LY96: variants seen among roughly 807,000 people sequenced by gnomAD.
LY96 encodes myeloid differentiation protein-2.
LY96 carries 18 observed loss-of-function variants against 18.9 expected under a neutral mutation model. That is an observed-to-expected ratio of 0.95 (90% confidence interval 0.66 to 1.41). The LOEUF (loss-of-function observed/expected upper bound fraction) is 1.41. LY96 is among the 40% of genes most tolerant of loss of function. LY96 has a pLI of 0.00. For missense variants in LY96, 175 were observed against 182.4 expected, an observed-to-expected ratio of 0.96 and a Z score of 0.23; for synonymous variants, 66 against 62.6, an observed-to-expected ratio of 1.06 and a Z score of -0.26.
At chr8:74,024,382 G>A (rs528842220) in intron 3 of LY96, among the ~76,000 whole-genome samples, 2 of 150,658 alleles carry the variant, frequency 1.3e-5, no homozygotes, top group Non-Finnish European at 3.0e-5. Context: ...ATATATTAAT[G>A]CATTAATATT....
At chr8:74,076,672 T>C in the LY96 span, among the ~76,000 whole-genome samples, 1 of 152,136 alleles carries the variant, frequency 6.6e-6, no homozygotes, top group African/African-American at 2.4e-5. Flanking sequence ...AGACTGGGTA[T>C]CCAATGATAG....
the LY96 span, among the ~76,000 whole-genome samples, chr8:74,078,909 T>G: frequency 1.3e-5 from 2 of 152,236 alleles, no homozygotes; most frequent in Non-Finnish European, 1.5e-5. Flanking sequence ...GGGCTTTCTC[T>G]CTCTCTCTCT....
the LY96 span, among the ~76,000 whole-genome samples, chr8:74,036,530 G>T: frequency 2.0e-5 from 3 of 151,992 alleles, no homozygotes; most frequent in Non-Finnish European, 4.4e-5. Context: ...TTACTCAACT[G>T]GTCCTGTGTC....
intron 3 of LY96, among the ~76,000 whole-genome samples, chr8:74,019,634 C>T (rs1816718442): frequency 6.6e-6 from 1 of 152,152 alleles, no homozygotes; most frequent in Non-Finnish European, 1.5e-5. Flanking sequence ...GAATTTTAGA[C>T]CAATATTCCT....
At chr8:74,043,016 C>T in the LY96 span, among the ~76,000 whole-genome samples, 1 of 152,088 alleles carries the variant, frequency 6.6e-6, no homozygotes, top group African/African-American at 2.4e-5. Context: ...ACCTCATGAT[C>T]CACCCACTTC....
chr8:74,080,978 TTCTC>T, the LY96 span, among the ~76,000 whole-genome samples: 6,444 of 140,782 alleles, frequency 0.046, 424 homozygotes, highest in African/African-American at 0.12. Flanking sequence ...CTTTCTTTCT[TTCTC>T]TCTCTTTCTT....
intron 3 of LY96, among the ~76,000 whole-genome samples, chr8:74,025,178 G>T (rs776285588): frequency 2.6e-5 from 4 of 152,196 alleles, no homozygotes; most frequent in Non-Finnish European, 4.4e-5. Context: ...CTCTTTGAGA[G>T]AAGGGACAGA....
At chr8:74,080,055 G>C in the LY96 span, among the ~76,000 whole-genome samples, 1 of 152,182 alleles carries the variant, frequency 6.6e-6, no homozygotes, top group Admixed American at 6.5e-5. Flanking sequence ...GCAATGAAAA[G>C]AGCGAAGGAG....
At chr8:74,010,494 T>C (rs1816507757) in intron 3 of LY96, among the ~76,000 whole-genome samples, 1 of 151,564 alleles carries the variant, frequency 6.6e-6, no homozygotes, top group Non-Finnish European at 1.5e-5. Flanking sequence ...AAATAAAAAA[T>C]AAAAATGAAT....
the LY96 span, among the ~76,000 whole-genome samples, chr8:74,096,226 C>A: frequency 4.6e-5 from 7 of 152,262 alleles, no homozygotes; most frequent in African/African-American, 1.4e-4. Flanking sequence ...CCATCCTTGT[C>A]CTCCAAGGTT....
intron 3 of LY96, among the ~76,000 whole-genome samples, chr8:74,013,373 T>G (rs1281829864): frequency 6.6e-6 from 1 of 152,124 alleles, no homozygotes; most frequent in Non-Finnish European, 1.5e-5. Flanking sequence ...TCTGCCTGCC[T>G]CGGCCTCCCA....
rs1266733838 is a variant in LY96, at chr8:74,005,421, A to C, written c.202+536A>C. The stretch of plus-strand genomic sequence containing the variant: ...GCAAGTCACTAGGCTAGCCCATACT[A>C]CTGGGAGAGGATTACACAAGAACAT... On this transcript the variant is annotated intron_variant, in intron 2 of 4. Coordinates refer to ENST00000284818, the MANE Select transcript of LY96 (RefSeq NM_015364.5). Among the ~76,000 whole-genome samples, 6 of 152,174 alleles carry C rather than the reference A, an allele frequency of 3.9e-5. No individual in the cohort carries two copies. The East Asian group carries it at 1.2e-3, about 29-fold the overall frequency.
At chr8:74,058,365 C>T in the LY96 span, among the ~76,000 whole-genome samples, 19 of 152,222 alleles carry the variant, frequency 1.2e-4, no homozygotes, top group African/African-American at 3.4e-4. Flanking sequence ...CTTTCTGCTA[C>T]TCATGAACTT....
the LY96 span, among the ~76,000 whole-genome samples, chr8:74,062,966 C>G: frequency 1.3e-5 from 2 of 152,194 alleles, no homozygotes; most frequent in African/African-American, 4.8e-5. Context: ...CTCAATGCAG[C>G]AAAAATTTAA....
chr8:74,073,136 C>T, the LY96 span, among the ~76,000 whole-genome samples: 17,889 of 152,146 alleles, frequency 0.12, 1,951 homozygotes, highest in African/African-American at 0.29. Context: ...ATCCGTGTCA[C>T]GTCTTGTTGC....
intron 1 of LY96, among the ~76,000 whole-genome samples, chr8:73,993,559 C>T (rs903073085): frequency 3.3e-5 from 5 of 152,090 alleles, no homozygotes; most frequent in African/African-American, 1.2e-4. Context: ...TCTCCTGCCT[C>T]AGCCTCCCGA....
chr8:74,080,995 TTTC>T, the LY96 span, among the ~76,000 whole-genome samples: 5 of 103,590 alleles, frequency 4.8e-5, no homozygotes, highest in Non-Finnish European at 7.2e-5. Context: ...TCTTTCTTTC[TTTC>T]TTTCTTTCTT....
chr8:73,997,102 C>T (rs1326713825), intron 1 of LY96, among the ~76,000 whole-genome samples: 1 of 152,228 alleles, frequency 6.6e-6, no homozygotes, highest in African/African-American at 2.4e-5. Flanking sequence ...GGCGATCAGC[C>T]TGCCTTGGCC....
At chr8:74,092,762 G>A in the LY96 span, among the ~76,000 whole-genome samples, 2 of 152,080 alleles carry the variant, frequency 1.3e-5, no homozygotes, top group African/African-American at 2.4e-5. Flanking sequence ...AATTCATCCC[G>A]TGCCACTCTG....
Sources: allele counts gnomAD v4.1 joint callset (sites outside exome capture counted in the v4.1 genomes callset), GRCh38; gene constraint gnomAD v4.1.1; transcripts MANE v1.5; gene names NCBI Gene and HGNC (gene_info 2026-07-23, HGNC 2026-07-21).